The following OGDH variants were observed in gnomAD, a reference collection of about 807,000 sequenced individuals.
OGDH encodes oxoglutarate dehydrogenase.
A neutral mutation model predicts 116.6 loss-of-function variants in OGDH; 38 were observed. The ratio of observed to expected loss-of-function variants is 0.33; its 90% CI spans 0.25 to 0.43. OGDH has a LOEUF of 0.43. OGDH is among the 20% of genes least tolerant of loss of function. OGDH has a pLI of 1.00. For synonymous variants in OGDH, 488 were observed against 533.3 expected (o/e 0.92, Z 1.17); for missense variants, 825 against 1,357.2 (o/e 0.61, Z 6.16).
At chr7:44,645,770 C>T (rs1786147125) in intron 3 of OGDH, among the ~76,000 whole-genome samples, 1 of 152,178 alleles carries the variant, frequency 6.6e-6, no homozygotes, top group South Asian at 2.1e-4. Context: ...ATTTCCTTTC[C>T]TTCCTTGGCA....
chr7:44,608,889 G>A (rs1427812268), intron 1 of OGDH, among the ~76,000 whole-genome samples: 1 of 152,246 alleles, frequency 6.6e-6, no homozygotes, highest in South Asian at 2.1e-4. Context: ...AGTACAGAGA[G>A]ATCCTGTGTT....
intron 20 of OGDH, among the ~76,000 whole-genome samples, chr7:44,705,037 A>G (rs1157179785): frequency 7.2e-6 from 1 of 138,062 alleles, no homozygotes; most frequent in Non-Finnish European, 1.5e-5. Context: ...TGATGTACAA[A>G]AGTTTTTAAT....
At chr7:44,701,070 C>G (rs1027300099) in intron 19 of OGDH, among the ~76,000 whole-genome samples, 1 of 152,128 alleles carries the variant, frequency 6.6e-6, no homozygotes, top group Non-Finnish European at 1.5e-5. Context: ...GAGGGAGTGC[C>G]CTGCTGCCCT....
chr7:44,700,250 T>A lies in OGDH; in HGVS notation c.2540T>A (p.Leu847Gln). 6.2e-7 allele frequency: 1 copy of A among 1,614,210 alleles called. No individual in the cohort carries two copies. The highest frequency in any genetic ancestry group is 1.3e-5 in the African/African-American group (1 of 75,072). Residue 847 changes from leucine to glutamine, a missense_variant, in exon 19 of 23, where the codon CTG (leucine) becomes CAG (glutamine). Transcript: ENST00000222673. ...NFFHVLRRQILLPFRKPLIIF... is the reference protein window; with the variant it reads ...NFFHVLRRQIQLPFRKPLIIF... ...TTCCACGTGCTACGACGCCAGATCC[T>A]GCTGCCATTCCGGAAGCCGGTCAGT...
At chr7:44,618,913 C>A (rs953644061) in intron 1 of OGDH, among the ~76,000 whole-genome samples, 1 of 152,212 alleles carries the variant, frequency 6.6e-6, no homozygotes, top group Non-Finnish European at 1.5e-5. Flanking sequence ...AACAAACAGG[C>A]CTGGCTGGGT....
At chr7:44,636,653 T>C (rs1272626545) in intron 2 of OGDH, among the ~76,000 whole-genome samples, 4 of 152,332 alleles carry the variant, frequency 2.6e-5, no homozygotes, top group African/African-American at 9.6e-5. Context: ...GAGCTTCCTT[T>C]GAAGAAAGAG....
At chr7:44,688,897 GCACC>G (rs1438153763) in intron 10 of OGDH, among the ~76,000 whole-genome samples, 17 of 151,628 alleles carry the variant, frequency 1.1e-4, no homozygotes, top group African/African-American at 4.1e-4. Context: ...CTGTAGGTGT[GCACC>G]ACCATGCCCG....
intron 2 of OGDH, among the ~76,000 whole-genome samples, chr7:44,626,234 T>G (rs1785195946): frequency 6.6e-6 from 1 of 151,278 alleles, no homozygotes; most frequent in Non-Finnish European, 1.5e-5. Context: ...GCCCCTGCTT[T>G]TGATGTGATA....
chr7:44,683,648 A>T (rs1245764117), intron 10 of OGDH, among the ~76,000 whole-genome samples: 1 of 152,150 alleles, frequency 6.6e-6, no homozygotes, highest in Non-Finnish European at 1.5e-5. Flanking sequence ...TTTACCACAT[A>T]TTTGCTCATA....
chr7:44,700,370 G>T, intron 19 of OGDH, 101 bp downstream of exon 19: 2 of 1,471,784 alleles, frequency 1.4e-6, no homozygotes, highest in Non-Finnish European at 1.8e-6. Flanking sequence ...TTAGCTAGGT[G>T]GGCACCTGCA....
intron 2 of OGDH, among the ~76,000 whole-genome samples, chr7:44,636,514 G>A (rs1465433593): frequency 1.3e-5 from 2 of 152,222 alleles, no homozygotes; most frequent in Non-Finnish European, 2.9e-5. Flanking sequence ...TCCCAGGGTG[G>A]AACCCCATAC....
chr7:44,623,257 C>A (rs1785070723), intron 1 of OGDH, among the ~76,000 whole-genome samples: 1 of 152,108 alleles, frequency 6.6e-6, no homozygotes, highest in Admixed American at 6.6e-5. Flanking sequence ...TCCTTCCCAT[C>A]CATGTCCTTT....
chr7:44,640,370 A>G (rs1160060759), intron 2 of OGDH, among the ~76,000 whole-genome samples: 2 of 152,140 alleles, frequency 1.3e-5, no homozygotes, highest in African/African-American at 4.8e-5. Flanking sequence ...AGGTGCTCTA[A>G]GTAAGTTGGA....
At chr7:44,685,981 A>G (rs1305967620) in intron 10 of OGDH, among the ~76,000 whole-genome samples, 5 of 151,920 alleles carry the variant, frequency 3.3e-5, no homozygotes, top group African/African-American at 9.7e-5. Flanking sequence ...GAATTGCTAC[A>G]TCATATGATA....
chr7:44,626,024 A>G (rs1267944799), intron 2 of OGDH, among the ~76,000 whole-genome samples: 1 of 152,048 alleles, frequency 6.6e-6, no homozygotes, highest in Admixed American at 6.5e-5. Context: ...CTGCTGGGCC[A>G]CCAGGTCCCA....
At chr7:44,621,801 T>G (rs983243164) in intron 1 of OGDH, among the ~76,000 whole-genome samples, 22 of 150,904 alleles carry the variant, frequency 1.5e-4, no homozygotes, top group Non-Finnish European at 3.0e-4. Context: ...GAACCTGGGA[T>G]GGGAGGTTGC....
chr7:44,663,809 G>T (rs1431155398), intron 4 of OGDH, among the ~76,000 whole-genome samples: 1 of 152,138 alleles, frequency 6.6e-6, no homozygotes, highest in African/African-American at 2.4e-5. Context: ...ACGTGGTGTT[G>T]TGTGCCTGTA....
chr7:44,621,727 C>A (rs1018902228), intron 1 of OGDH, among the ~76,000 whole-genome samples: 12 of 152,022 alleles, frequency 7.9e-5, no homozygotes, highest in African/African-American at 2.9e-4. Context: ...CAAAAATTAA[C>A]CAGGTGTGAT....
chr7:44,680,598 C>T (rs1401270597), intron 9 of OGDH, among the ~76,000 whole-genome samples: 1 of 151,852 alleles, frequency 6.6e-6, no homozygotes, highest in Non-Finnish European at 1.5e-5. Flanking sequence ...ATATGTGCGC[C>T]TGCATATGCA....
Sources: gnomAD v4.1 joint callset for allele counts (sites outside exome capture counted in the v4.1 genomes callset) on GRCh38, gnomAD v4.1.1 for gene constraint, MANE v1.5 for transcripts, NCBI Gene and HGNC (gene_info 2026-07-23, HGNC 2026-07-21) for gene names.